MBOAT2: variants seen among roughly 807,000 people sequenced by gnomAD.
MBOAT2 encodes membrane bound glycerophospholipid O-acyltransferase 2, also known as membrane-bound glycerophospholipid O-acyltransferase 2.
In MBOAT2, 28 loss-of-function variants were observed where a neutral mutation model predicts 63.4. The observed-to-expected ratio is 0.44, with a 90% CI of 0.33 to 0.61. The LOEUF (loss-of-function observed/expected upper bound fraction) is 0.61, where lower values mean the gene tolerates loss of function less well. Among genes scored for constraint, MBOAT2 ranks in the 20% least tolerant of loss-of-function variants. The pLI is 0.03. For synonymous variants in MBOAT2, 211 were observed against 215.6 expected, an observed-to-expected ratio of 0.98 and a Z score of 0.19; for missense variants, 470 against 605.8, an observed-to-expected ratio of 0.78 and a Z score of 2.35.
intron 1 of MBOAT2, among the ~76,000 whole-genome samples, chr2:8,976,052 A>G (rs1005926504): frequency 2.0e-5 from 3 of 152,124 alleles, no homozygotes; most frequent in East Asian, 1.9e-4. Context: ...CCCAGACAAC[A>G]GCACAGAGAA....
At chr2:8,963,556 G>T (rs1408408313) in intron 1 of MBOAT2, among the ~76,000 whole-genome samples, 2 of 152,070 alleles carry the variant, frequency 1.3e-5, no homozygotes, top group Non-Finnish European at 2.9e-5. Context: ...ACCCGCCTTG[G>T]CCTCCCAAAG....
At chr2:8,936,799 AAAAAAAG>A (rs1667694152) in intron 3 of MBOAT2, among the ~76,000 whole-genome samples, 1 of 150,454 alleles carries the variant, frequency 6.6e-6, no homozygotes, top group Non-Finnish European at 1.5e-5. Flanking sequence ...AAAAAAAAAA[AAAAAAAG>A]AAAAGAAAAA....
intron 9 of MBOAT2, among the ~76,000 whole-genome samples, chr2:8,867,655 C>T (rs1394074986): frequency 6.6e-6 from 1 of 152,238 alleles, no homozygotes; most frequent in Non-Finnish European, 1.5e-5. Flanking sequence ...AACTCATTCT[C>T]TCTTGCTGAT....
chr2:8,856,556 T>G lies in MBOAT2; in HGVS notation c.*2123A>C, dbSNP rs973308165. On this transcript the variant is annotated 3_prime_UTR_variant, in exon 13 of 13. Transcript: ENST00000305997. This position sits in a 1 kb window ranked among gnomAD's most constrained non-coding sequence, Gnocchi z 4.2. Reference sequence around the variant, plus strand: ...TAAACAGCTGGCATAATTTCTTTTTTCTTTTTTTTTTTTTGTGAGACGGAG... The same window carrying G: ...TAAACAGCTGGCATAATTTCTTTTTGCTTTTTTTTTTTTTGTGAGACGGAG... The G allele has an allele frequency of 6.6e-5, 10 of 151,636 alleles. No homozygotes were observed. Among genetic ancestry groups the G allele is most frequent in the Admixed American group, 1.3e-4 (2 of 15,246 alleles). 9.4% of individuals were successfully genotyped at this position (151,636 alleles called of 1,614,324 possible). A position where few individuals can be genotyped will look rare whatever the true frequency, so the allele number is the denominator to read the frequency against.
intron 4 of MBOAT2, among the ~76,000 whole-genome samples, chr2:8,894,112 G>A (rs755982901): frequency 6.6e-5 from 10 of 151,836 alleles, no homozygotes; most frequent in Admixed American, 5.2e-4. Context: ...GCCCCCACCC[G>A]CCGACAGAAC....
chr2:8,973,536 T>A (rs1573216296), intron 1 of MBOAT2, among the ~76,000 whole-genome samples: 8 of 132,416 alleles, frequency 6.0e-5, no homozygotes, highest in African/African-American at 5.8e-5. Context: ...AATAAATAAA[T>A]AAAAGTAACT....
chr2:8,912,385 A>AAGAAAGAAAG (rs1665842890), intron 3 of MBOAT2, among the ~76,000 whole-genome samples: 7 of 142,790 alleles, frequency 4.9e-5, no homozygotes, highest in South Asian at 2.2e-4. Context: ...GAAAGAAAGA[A>AAGAAAGAAAG]AGAAAGAAAG....
chr2:8,888,206 A>C (rs992552548), intron 4 of MBOAT2, 133 bp from the exon 5 acceptor site: 3 of 753,914 alleles, frequency 4.0e-6, no homozygotes, highest in Non-Finnish European at 2.2e-6. Context: ...AAGACCTCCA[A>C]GGGATTTCAG....
chr2:8,977,026 TG>T (rs1670865770), intron 1 of MBOAT2, among the ~76,000 whole-genome samples: 1 of 152,016 alleles, frequency 6.6e-6, no homozygotes, highest in Non-Finnish European at 1.5e-5. Flanking sequence ...AGTGGTTGCC[TG>T]GGGATGGAGG....
At chr2:8,913,889 A>AC (rs1231193810) in intron 3 of MBOAT2, among the ~76,000 whole-genome samples, 2 of 152,380 alleles carry the variant, frequency 1.3e-5, no homozygotes, top group African/African-American at 4.8e-5. Context: ...TTATAGCAGC[A>AC]CAATTCACGA....
intron 5 of MBOAT2, 128 bp from the exon 6 acceptor site, chr2:8,882,693 A>C (rs1663229546): frequency 6.2e-6 from 5 of 812,908 alleles, no homozygotes; most frequent in Non-Finnish European, 1.0e-5. Flanking sequence ...TGATATAATG[A>C]CTGTTCCTTT....
chr2:8,867,384 T>C (rs1002280653), intron 9 of MBOAT2, among the ~76,000 whole-genome samples: 1 of 152,158 alleles, frequency 6.6e-6, no homozygotes, highest in Non-Finnish European at 1.5e-5. Context: ...ACTGGTGCTC[T>C]TTTAGAGACT....
chr2:8,918,934 A>G (rs1399134700), intron 3 of MBOAT2, among the ~76,000 whole-genome samples: 1 of 152,028 alleles, frequency 6.6e-6, no homozygotes, highest in Non-Finnish European at 1.5e-5. Flanking sequence ...CCTCAACCCT[A>G]GGCAACCACC....
intron 1 of MBOAT2, among the ~76,000 whole-genome samples, chr2:8,989,489 A>G (rs1671781275): frequency 6.6e-6 from 1 of 152,222 alleles, no homozygotes; most frequent in African/African-American, 2.4e-5. Flanking sequence ...GACAACACTT[A>G]GAAAGTGAAC....
intron 8 of MBOAT2, among the ~76,000 whole-genome samples, chr2:8,872,845 G>A (rs1662427677): frequency 6.6e-6 from 1 of 152,184 alleles, no homozygotes. Context: ...GGCTAGCACT[G>A]AATCTAGAAT....
intron 3 of MBOAT2, among the ~76,000 whole-genome samples, chr2:8,929,699 CATT>C (rs1374117698): frequency 1.3e-5 from 2 of 152,106 alleles, no homozygotes; most frequent in South Asian, 4.1e-4. Flanking sequence ...ATGCATGTAT[CATT>C]ATAACAGAAT....
intron 5 of MBOAT2, among the ~76,000 whole-genome samples, chr2:8,883,143 G>A (rs572961863): frequency 6.6e-6 from 1 of 150,756 alleles, no homozygotes; most frequent in South Asian, 2.1e-4. Context: ...AGACCAAAGG[G>A]GAATGAAATT....
At chr2:8,994,398 G>C (rs74915645) in intron 1 of MBOAT2, among the ~76,000 whole-genome samples, 1,806 of 152,312 alleles carry the variant, frequency 0.012, 21 homozygotes, top group Middle Eastern at 0.027. Flanking sequence ...ATGACAAGAA[G>C]GCAGTGGAGA....
intron 3 of MBOAT2, among the ~76,000 whole-genome samples, chr2:8,932,722 T>C (rs1256391874): frequency 6.6e-6 from 1 of 151,978 alleles, no homozygotes; most frequent in Non-Finnish European, 1.5e-5. Context: ...CACGGGATTG[T>C]TTCAACAGTT....
Sources: gnomAD v4.1 joint callset for allele counts (sites outside exome capture counted in the v4.1 genomes callset) on GRCh38, gnomAD v4.1.1 for gene constraint, Gnocchi (gnomAD v3.1) non-coding constraint, MANE v1.5 for transcripts, NCBI Gene and HGNC (gene_info 2026-07-23, HGNC 2026-07-21) for gene names.